Variants in ANKRD62 observed in about 807,000 individuals in gnomAD.
ANKRD62 encodes ankyrin repeat domain-containing protein 62.
In ANKRD62, 61 loss-of-function variants were observed where a neutral mutation model predicts 98.8. The observed-to-expected ratio is 0.62, with a 90% CI of 0.50 to 0.76. The LOEUF is 0.76. ANKRD62 is among the 30% of genes least tolerant of loss of function. The pLI is 0.00. For synonymous variants in ANKRD62, 341 were observed against 367.9 expected (o/e 0.93, Z 0.84); for missense variants, 933 against 1,082.9 (o/e 0.86, Z 1.94).
At position 12,122,509 on chromosome 18, in the gene ANKRD62, A is replaced by G. The variant is rs535846087; in HGVS notation, c.1447A>G (p.Asn483Asp). Reference protein sequence around the residue: ...QNLQGKKKLCNLRFILQQQEE... With the variant: ...QNLQGKKKLCDLRFILQQQEE... ...TCTTCAAGGGAAAAAAAAGCTCTGT[A>G]ATTTGAGGTATCACATTCTAGTTTT... Residue 483 changes from asparagine to aspartate, a missense_variant, in exon 11 of 14, where the codon AAT (asparagine) becomes GAT (aspartate). Physicochemically the swap from Asn to Asp is conservative, Grantham distance 23. This residue lies in a region of ANKRD62 where 549 missense variants were observed against 587.9 expected (regional missense o/e 0.93). Coordinates refer to ENST00000587848, the MANE Select transcript of ANKRD62 (RefSeq NM_001277333.2). 13 of 1,516,604 alleles carry G rather than the reference A, an allele frequency of 8.6e-6. No individual in the cohort carries two copies. The South Asian group carries it at 1.6e-4, about 19-fold the overall frequency. 93.9% of individuals were successfully genotyped at this position (1,516,604 alleles called of 1,614,324 possible). A position where few individuals can be genotyped will look rare whatever the true frequency, so the allele number is the denominator to read the frequency against.
the ANKRD62 span, among the ~76,000 whole-genome samples, chr18:12,140,717 C>T: frequency 6.6e-5 from 10 of 152,186 alleles, no homozygotes; most frequent in Admixed American, 1.3e-4. Context: ...AGTTTTGTCT[C>T]AGAGGAGTAC....
intron 10 of ANKRD62, among the ~76,000 whole-genome samples, chr18:12,121,105 G>C (rs941621224): frequency 2.6e-5 from 4 of 152,078 alleles, no homozygotes; most frequent in Non-Finnish European, 5.9e-5. Flanking sequence ...TGTGATCTGT[G>C]TTTATTTTCC....
chr18:12,100,790 T>C (rs925066792), intron 6 of ANKRD62, among the ~76,000 whole-genome samples: 2 of 152,210 alleles, frequency 1.3e-5, no homozygotes, highest in Non-Finnish European at 2.9e-5. Context: ...TAGGGTGAGA[T>C]TTGTTCTATC....
intron 7 of ANKRD62, among the ~76,000 whole-genome samples, chr18:12,105,401 G>C (rs150818661): frequency 6.6e-6 from 1 of 152,128 alleles, no homozygotes; most frequent in Non-Finnish European, 1.5e-5. Context: ...AATGAGGCAC[G>C]CATATTACAA....
the ANKRD62 span, among the ~76,000 whole-genome samples, chr18:12,175,140 G>GT: frequency 1.3e-5 from 2 of 152,234 alleles, no homozygotes; most frequent in Admixed American, 1.3e-4. Flanking sequence ...TGTGTATGTG[G>GT]TTGCATTGGT....
At chr18:12,172,144 G>A in the ANKRD62 span, among the ~76,000 whole-genome samples, 5 of 152,184 alleles carry the variant, frequency 3.3e-5, no homozygotes, top group South Asian at 2.1e-4. Flanking sequence ...CTCTCAACTC[G>A]TCAAAGTCAT....
At chr18:12,175,187 C>T in the ANKRD62 span, among the ~76,000 whole-genome samples, 3 of 152,200 alleles carry the variant, frequency 2.0e-5, no homozygotes, top group Non-Finnish European at 2.9e-5. Flanking sequence ...GGGCTCAGGT[C>T]TGTGCCTTCT....
At chr18:12,113,778 C>A (rs1272577484) in intron 8 of ANKRD62, among the ~76,000 whole-genome samples, 1 of 152,172 alleles carries the variant, frequency 6.6e-6, no homozygotes, top group Non-Finnish European at 1.5e-5. Flanking sequence ...TTCAACCTAG[C>A]AATCTTATTA....
the ANKRD62 span, among the ~76,000 whole-genome samples, chr18:12,167,432 G>A: frequency 0.011 from 1,613 of 151,854 alleles, 23 homozygotes; most frequent in African/African-American, 0.036. Context: ...GATGATTTCC[G>A]GCTTCATCCA....
the ANKRD62 span, among the ~76,000 whole-genome samples, chr18:12,154,581 G>C: frequency 6.6e-6 from 1 of 151,944 alleles, no homozygotes. Flanking sequence ...CACCCTAAAA[G>C]CAGAACTAGC....
chr18:12,152,951 T>G, the ANKRD62 span, among the ~76,000 whole-genome samples: 1 of 152,156 alleles, frequency 6.6e-6, no homozygotes, highest in African/African-American at 2.4e-5. Flanking sequence ...GATAAACAAC[T>G]TTAGCAGTCT....
the ANKRD62 span, among the ~76,000 whole-genome samples, chr18:12,158,989 C>G: frequency 2.0e-5 from 3 of 152,120 alleles, no homozygotes; most frequent in African/African-American, 7.2e-5. Context: ...AGACCTTCCA[C>G]AAAATTCTTC....
In ANKRD62 at chr18:12,126,332, T is replaced by C; in HGVS notation, c.2511T>C (p.Thr837=). The change falls in exon 13 of 14, where the codon ACT becomes ACC. Residue 837 remains threonine, a synonymous_variant. Transcript: ENST00000587848. ...ENNKGLMKEC[T]LLKERQCQYE... ...ATAAGGGGTTGATGAAGGAATGCAC[T>C]CTTTTAAAAGAAAGACAATGCCAAT... 2 of 1,526,666 alleles carry C rather than the reference T, an allele frequency of 1.3e-6. No homozygotes were observed. Among genetic ancestry groups the C allele is most frequent in the Non-Finnish European group, 1.7e-6 (2 of 1,143,912 alleles). The allele number at this position is 1,526,666 out of a possible 1,614,324, so 94.6% of individuals were successfully genotyped here. A position where few individuals can be genotyped will look rare whatever the true frequency, so the allele number is the denominator to read the frequency against.
At chr18:12,108,754 G>T (rs2143909334) in intron 8 of ANKRD62, among the ~76,000 whole-genome samples, 1 of 152,264 alleles carries the variant, frequency 6.6e-6, no homozygotes, top group Non-Finnish European at 1.5e-5. Context: ...TACAGTGGGG[G>T]TACATGCATT....
chr18:12,174,541 G>A, the ANKRD62 span, among the ~76,000 whole-genome samples: 1 of 152,128 alleles, frequency 6.6e-6, no homozygotes, highest in Non-Finnish European at 1.5e-5. Flanking sequence ...TTGTTGGAGA[G>A]GTAATGAGGT....
At chr18:12,108,950 C>T (rs1410098055) in intron 8 of ANKRD62, among the ~76,000 whole-genome samples, 1 of 152,258 alleles carries the variant, frequency 6.6e-6, no homozygotes, top group East Asian at 1.9e-4. Context: ...CCTTGGGCAG[C>T]TCTGCCCCTG....
chr18:12,099,601 A>AT lies in ANKRD62; in HGVS notation c.753-10dup. ...TTAAAATAGTAATTGTATTTACTGC[A>AT]TTTTGATACATAGCATTCGTGGAAT... On this transcript the variant is annotated splice_polypyrimidine_tract_variant and intron_variant, in intron 5 of 13. Transcript: ENST00000587848. The AT allele has an allele frequency of 6.8e-7, 1 of 1,460,658 alleles. No homozygotes were observed. The allele number at this position is 1,460,658 out of a possible 1,614,324, so 90.5% of individuals were successfully genotyped here.
the ANKRD62 span, among the ~76,000 whole-genome samples, chr18:12,157,088 A>G: frequency 1.3e-5 from 2 of 152,308 alleles, no homozygotes; most frequent in African/African-American, 4.8e-5. Context: ...ATAACTTTAT[A>G]GGCAAACTTT....
rs1009963973 is a variant in ANKRD62 at position 12,126,149 on chromosome 18, A to G, written c.2328A>G (p.Leu776=). The change falls in exon 13 of 14, where the codon CTA becomes CTG. Residue 776 remains leucine (L), a synonymous_variant. Transcript: ENST00000587848. ...VRKQQSVEDG[L]FQLQSQNLLY... Reference sequence around the variant, plus strand: ...AGCAGCAATCTGTAGAGGATGGACTATTTCAACTACAAAGCCAAAATCTGT... The same window carrying G: ...AGCAGCAATCTGTAGAGGATGGACTGTTTCAACTACAAAGCCAAAATCTGT... 1.5e-5 allele frequency: 23 copies of G among 1,536,002 alleles called. No individual in the cohort carries two copies. The highest frequency in any genetic ancestry group is 2.0e-5 in the Non-Finnish European group (23 of 1,146,874).
Sources: gnomAD v4.1 joint callset for allele counts (sites outside exome capture counted in the v4.1 genomes callset) on GRCh38, gnomAD v4.1.1 for gene constraint, gnomAD v4.1.1 regional missense constraint, MANE v1.5 for transcripts, NCBI Gene and HGNC (gene_info 2026-07-23, HGNC 2026-07-21) for gene names.